TDRD3: variants seen among roughly 807,000 people sequenced by gnomAD.
The protein encoded by TDRD3 is tudor domain-containing protein 3.
A neutral mutation model predicts 86.7 loss-of-function variants in TDRD3; 45 were observed. That is an observed-to-expected ratio of 0.52 (90% CI 0.41 to 0.67). The LOEUF is 0.67. Among genes scored for constraint, TDRD3 ranks in the 30% least tolerant of loss-of-function variants. The pLI, the probability that TDRD3 is intolerant of heterozygous loss-of-function variation, is 0.00. For synonymous variants in TDRD3, 298 were observed against 301.7 expected, an observed-to-expected ratio of 0.99 and a Z score of 0.13; for missense variants, 814 against 889.0, an observed-to-expected ratio of 0.92 and a Z score of 1.07.
At chr13:60,489,058 A>G (rs1956518716) in intron 7 of TDRD3, among the ~76,000 whole-genome samples, 1 of 151,918 alleles carries the variant, frequency 6.6e-6, no homozygotes, top group Non-Finnish European at 1.5e-5. Context: ...TTTTAGTTTG[A>G]TATAATCTCG....
Position 60,461,517 on chromosome 13 carries a change from T to G in TDRD3, c.353+977T>G, listed in dbSNP as rs114674375. ...ATTTGCAGCCCTCCTCCCACCTGCC[T>G]TTTTTGGTCTTCTTTGTCATTTTAT... is the stretch of plus-strand genomic sequence containing the variant. On this transcript the variant is annotated intron_variant, in intron 4 of 13. Transcript: ENST00000377881. Among the ~76,000 whole-genome samples the G allele has an allele frequency of 7.3e-3, 1,113 of 152,282 alleles. 17 individuals carry two copies. Among genetic ancestry groups the G allele is most frequent in the African/African-American group, 0.025 (1,054 of 41,556 alleles).
At chr13:60,551,826 G>A (rs1317081836) in intron 12 of TDRD3, among the ~76,000 whole-genome samples, 1 of 152,118 alleles carries the variant, frequency 6.6e-6, no homozygotes, top group African/African-American at 2.4e-5. Flanking sequence ...TCTTCATGAG[G>A]CAGCAGGAAA....
chr13:60,532,534 A>G lies in TDRD3; in HGVS notation c.1993-2574A>G, dbSNP rs569703428. ...GAGACAAGGGTAGACATTTAAGAAA[A>G]GGAATTGAGTGTAACTATCATTAAG... On this transcript the variant is annotated intron_variant, in intron 11 of 13. Coordinates refer to ENST00000377881, the MANE Select transcript of TDRD3 (RefSeq NM_001146070.2). 1.1e-4 allele frequency among the ~76,000 whole-genome samples: 16 copies of G among 152,336 alleles called. No homozygotes were observed. The South Asian group carries it at 2.7e-3, about 26-fold the overall frequency.
At chr13:60,561,869 G>T (rs976871688) in intron 12 of TDRD3, among the ~76,000 whole-genome samples, 63 of 76,446 alleles carry the variant, frequency 8.2e-4, no homozygotes, top group African/African-American at 1.4e-3. Flanking sequence ...GTTTTTTGTT[G>T]TTGTTGTTGT....
At chr13:60,427,938 A>C (rs1055484616) in intron 1 of TDRD3, among the ~76,000 whole-genome samples, 1 of 152,160 alleles carries the variant, frequency 6.6e-6, no homozygotes, top group African/African-American at 2.4e-5. Flanking sequence ...GCTTAAAACA[A>C]TTGAAATTTA....
At chr13:60,466,345 TATAGC>T (rs1294217688) in intron 4 of TDRD3, among the ~76,000 whole-genome samples, 5 of 152,332 alleles carry the variant, frequency 3.3e-5, no homozygotes, top group Middle Eastern at 3.4e-3. Context: ...TCAAATCTTA[TATAGC>T]ATAGCATAGT....
chr13:60,470,443 A>G (rs1594975991), intron 5 of TDRD3, among the ~76,000 whole-genome samples: 2 of 152,230 alleles, frequency 1.3e-5, no homozygotes, highest in Admixed American at 6.5e-5. Flanking sequence ...AAGAATTGCC[A>G]TACTGTTTTA....
At chr13:60,571,553 TCA>T (rs1186205518) in intron 13 of TDRD3, among the ~76,000 whole-genome samples, 1 of 152,204 alleles carries the variant, frequency 6.6e-6, no homozygotes, top group Non-Finnish European at 1.5e-5. Context: ...AAACATAATT[TCA>T]CAGTCATAGG....
chr13:60,509,539 C>A, intron 8 of TDRD3: 1 of 497,038 alleles, frequency 2.0e-6, no homozygotes, highest in Non-Finnish European at 3.6e-6. Context: ...GTTGCTTTTG[C>A]AGTGTTACTT....
chr13:60,402,479 A>G (rs761459879), intron 1 of TDRD3, among the ~76,000 whole-genome samples: 8 of 152,180 alleles, frequency 5.3e-5, no homozygotes, highest in Non-Finnish European at 1.0e-4. Flanking sequence ...TGTAGAGAAT[A>G]TTGGTAGTTC....
intron 10 of TDRD3, among the ~76,000 whole-genome samples, chr13:60,522,203 T>C (rs1038788513): frequency 3.3e-5 from 5 of 152,178 alleles, no homozygotes; most frequent in Non-Finnish European, 7.4e-5. Flanking sequence ...ATTTTCTCTG[T>C]AATATGACTT....
At chr13:60,536,332 A>G (rs1957697224) in intron 12 of TDRD3, 1 of 152,108 alleles carries the variant, frequency 6.6e-6, no homozygotes, top group Non-Finnish European at 1.5e-5. Context: ...AATGGCTCAT[A>G]TGTTTAATTA....
intron 12 of TDRD3, among the ~76,000 whole-genome samples, chr13:60,564,137 T>G (rs1405574339): frequency 6.6e-6 from 1 of 152,180 alleles, no homozygotes; most frequent in African/African-American, 2.4e-5. Context: ...AAAACCTATC[T>G]GATAACATGG....
chr13:60,424,386 G>A (rs571732609), intron 1 of TDRD3, among the ~76,000 whole-genome samples: 65 of 151,692 alleles, frequency 4.3e-4, no homozygotes, highest in African/African-American at 1.5e-3. Flanking sequence ...TCTTTAAAGT[G>A]TACAGTTCTG....
chr13:60,439,127 G>C (rs1022411584), intron 1 of TDRD3, among the ~76,000 whole-genome samples: 1 of 152,102 alleles, frequency 6.6e-6, no homozygotes, highest in Admixed American at 6.5e-5. Flanking sequence ...ACTGAAAAGA[G>C]ATAGGAAAAG....
At chr13:60,409,177 A>G (rs954040782) in intron 1 of TDRD3, among the ~76,000 whole-genome samples, 4 of 152,216 alleles carry the variant, frequency 2.6e-5, no homozygotes, top group Non-Finnish European at 2.9e-5. Flanking sequence ...GAGAATCTCT[A>G]CCTAGATTTC....
chr13:60,570,948 A>C (rs1169601372), intron 13 of TDRD3, among the ~76,000 whole-genome samples: 2 of 152,240 alleles, frequency 1.3e-5, no homozygotes, highest in Non-Finnish European at 2.9e-5. Flanking sequence ...AACAACGCAC[A>C]CAGTTCCTAA....
chr13:60,529,538 T>C (rs967045004), intron 11 of TDRD3, among the ~76,000 whole-genome samples: 2 of 152,146 alleles, frequency 1.3e-5, no homozygotes, highest in Non-Finnish European at 2.9e-5. Context: ...ATGTTTGCTT[T>C]TCACTCTGGT....
rs1041687825 is a variant in TDRD3 at position 60,510,885 on chromosome 13, G to A, written c.1141+130G>A. 6 of 873,476 alleles carry A rather than the reference G, an allele frequency of 6.9e-6. No homozygotes were observed. The South Asian group carries it at 8.0e-5, about 12-fold the overall frequency. 54.1% of individuals were successfully genotyped at this position (873,476 alleles called of 1,614,324 possible). ...AGTGTAAAACAACTATAATATGAAC[G>A]TATATCCTGAGTGTTTGTTTATAAA... is the stretch of plus-strand genomic sequence containing the variant. On this transcript the variant is annotated intron_variant, in intron 10 of 13. Transcript: ENST00000377881.
Sources: gnomAD v4.1 joint callset for allele counts (sites outside exome capture counted in the v4.1 genomes callset) on GRCh38, gnomAD v4.1.1 for gene constraint, MANE v1.5 for transcripts, NCBI Gene and HGNC (gene_info 2026-07-23, HGNC 2026-07-21) for gene names.